The following CABIN1 variants were observed in gnomAD, a reference collection of about 807,000 sequenced individuals.
The protein encoded by CABIN1 is calcineurin binding protein 1, also known as calcineurin-binding protein cabin-1.
In CABIN1, 133 loss-of-function variants were observed where a neutral mutation model predicts 227.7. The observed-to-expected ratio is 0.58, with a 90% CI of 0.51 to 0.67. CABIN1 has a LOEUF of 0.67. Among genes scored for constraint, CABIN1 ranks in the 30% least tolerant of loss-of-function variants. The pLI, the probability that CABIN1 is intolerant of heterozygous loss-of-function variation, is 0.00. For synonymous variants in CABIN1, 1,086 were observed against 1,155.1 expected (o/e 0.94, Z 1.21); for missense variants, 2,408 against 2,852.5 (o/e 0.84, Z 3.55).
At chr22:24,168,558 G>T (rs375512881) in intron 33 of CABIN1, 37 bp downstream of exon 33, 16 of 1,482,836 alleles carry the variant, frequency 1.1e-5, no homozygotes, top group Non-Finnish European at 1.4e-5. Flanking sequence ...CTCATCTTGC[G>T]GAGCCTGCTC....
chr22:24,139,545 G>A (rs1273709021), intron 29 of CABIN1, among the ~76,000 whole-genome samples: 8 of 151,138 alleles, frequency 5.3e-5, no homozygotes, highest in African/African-American at 1.7e-4. Flanking sequence ...CAGCCTGGGC[G>A]ACAGAGCAAG....
chr22:24,061,234 T>G (rs767256098), intron 12 of CABIN1, among the ~76,000 whole-genome samples: 3 of 152,248 alleles, frequency 2.0e-5, no homozygotes, highest in African/African-American at 4.8e-5. Context: ...TGGTGCCTCC[T>G]GGAGCTCAAG....
chr22:24,071,057 C>A lies in CABIN1; in HGVS notation c.2475+15C>A, dbSNP rs1183049977. On this transcript the variant is annotated intron_variant, in intron 17 of 36. Transcript: ENST00000263119. Reference sequence around the variant, plus strand: ...ACCTCATCCAGGTAACCCCTGGCTCCTTCTCACCCTGCCCTGCCCCAGCAG... The same window carrying A: ...ACCTCATCCAGGTAACCCCTGGCTCATTCTCACCCTGCCCTGCCCCAGCAG... The A allele has an allele frequency of 1.2e-6, 2 of 1,614,226 alleles. No individual in the cohort carries two copies. The highest frequency in any genetic ancestry group is 1.7e-6 in the Non-Finnish European group (2 of 1,180,030).
At chr22:24,073,731 T>C (rs912007280) in intron 18 of CABIN1, among the ~76,000 whole-genome samples, 9 of 152,122 alleles carry the variant, frequency 5.9e-5, no homozygotes, top group South Asian at 2.1e-4. Context: ...GAGGAAGACA[T>C]TGGGGAGGTG....
rs557697459 is a variant in CABIN1, at chr22:24,085,219, T to C, written c.3263+68T>C. Reference sequence around the variant, plus strand: ...CTGGGGTGACTCCAGCTCAGCAAGCTCTTCAGTGGGCCACTTTGGGGTTTC... The same window carrying C: ...CTGGGGTGACTCCAGCTCAGCAAGCCCTTCAGTGGGCCACTTTGGGGTTTC... On this transcript the variant is annotated intron_variant, in intron 22 of 36. Transcript: ENST00000263119. 1,386 of 1,558,544 alleles carry C rather than the reference T, an allele frequency of 8.9e-4. 3 individuals carry two copies. The highest frequency in any genetic ancestry group is 1.2e-3 in the Non-Finnish European group (1,336 of 1,132,578).
chr22:24,114,660 T>C (rs1486549703), intron 27 of CABIN1, among the ~76,000 whole-genome samples: 1 of 152,160 alleles, frequency 6.6e-6, no homozygotes, highest in Non-Finnish European at 1.5e-5. Flanking sequence ...ACGCTGGTGA[T>C]AAACTGCCTC....
At chr22:24,152,659 A>G (rs2148494602) in intron 29 of CABIN1, among the ~76,000 whole-genome samples, 1 of 152,328 alleles carries the variant, frequency 6.6e-6, no homozygotes. Flanking sequence ...ACGGCAAGAA[A>G]GGAGCCAGGG....
At position 24,013,341 on chromosome 22, in the gene CABIN1, C is replaced by T. The variant is rs190649764; in HGVS notation, c.-75+1974C>T. Among the ~76,000 whole-genome samples, 80 of 151,806 alleles carry T rather than the reference C, an allele frequency of 5.3e-4. 1 individual carries two copies. In the East Asian group the frequency reaches 0.013, roughly 25 times the overall value. ...CCTCCCTAGTAGCTGGGACTACAGG[C>T]GCCTCTCACCATACCCTGCTAGTTT... On this transcript the variant is annotated intron_variant, in intron 1 of 36. Coordinates refer to ENST00000263119, the MANE Select transcript of CABIN1 (RefSeq NM_012295.4).
At position 24,165,642 on chromosome 22, in the gene CABIN1, C is replaced by T; in HGVS notation, c.5007+16C>T. Reference sequence around the variant, plus strand: ...GCTCGCAGAGGTATGCCACCTGTGTCCTCCTCTCCTCCACGGCCCATGAAC... The same window carrying T: ...GCTCGCAGAGGTATGCCACCTGTGTTCTCCTCTCCTCCACGGCCCATGAAC... On this transcript the variant is annotated intron_variant, in intron 31 of 36. Coordinates refer to ENST00000263119, the MANE Select transcript of CABIN1 (RefSeq NM_012295.4). 6.2e-7 allele frequency: 1 copy of T among 1,601,304 alleles called. No homozygotes were observed. Among genetic ancestry groups the T allele is most frequent in the Non-Finnish European group, 8.5e-7 (1 of 1,171,580 alleles).
chr22:24,031,739 C>G (rs1379694489), intron 1 of CABIN1, among the ~76,000 whole-genome samples: 1 of 152,262 alleles, frequency 6.6e-6, no homozygotes, highest in East Asian at 1.9e-4. Context: ...TCTCCCACTT[C>G]TTCTAATCTC....
In CABIN1 at chr22:24,135,970, A is replaced by T. The variant is rs372913936; in HGVS notation, c.4746+1555A>T. On this transcript the variant is annotated intron_variant, in intron 29 of 36. Transcript: ENST00000263119. ...GATCCTGAAAGCCCTGCATCTGCCC[A>T]CCCTCTCTGTTTTGGTATTTTATAG... 1.3e-4 allele frequency among the ~76,000 whole-genome samples: 19 copies of T among 151,754 alleles called. No homozygotes were observed. In the East Asian group the frequency reaches 1.9e-3, roughly 16 times the overall value.
chr22:24,177,370 C>G lies in CABIN1; in HGVS notation c.6206-134C>G. ...CCAAGTATTTGCCCAGGGTAGAAGC[C>G]TTGGAGCCTGCCAGCCAGCACAAAC... On this transcript the variant is annotated intron_variant, in intron 35 of 36. Transcript: ENST00000263119. This position sits in a 1 kb window ranked among gnomAD's most constrained non-coding sequence, Gnocchi z 4.4. The G allele has an allele frequency of 1.2e-6, 1 of 806,790 alleles. No homozygotes were observed. Among genetic ancestry groups the G allele is most frequent in the South Asian group, 1.9e-5 (1 of 52,370 alleles). The allele number at this position is 806,790 out of a possible 1,614,324, so 50.0% of individuals were successfully genotyped here. A position where few individuals can be genotyped will look rare whatever the true frequency, so the allele number is the denominator to read the frequency against.
intron 18 of CABIN1, among the ~76,000 whole-genome samples, chr22:24,073,923 C>T (rs1360641259): frequency 1.3e-5 from 2 of 152,186 alleles, no homozygotes; most frequent in Admixed American, 1.3e-4. Flanking sequence ...ATTGAACCAT[C>T]CCCGCTGCTG....
chr22:24,085,564 G>A (rs2041099078), intron 22 of CABIN1, among the ~76,000 whole-genome samples: 1 of 152,180 alleles, frequency 6.6e-6, no homozygotes, highest in Admixed American at 6.5e-5. Flanking sequence ...TTGGGGACAA[G>A]TAATAGAAAA....
chr22:24,025,656 G>C (rs1386545541), intron 1 of CABIN1, among the ~76,000 whole-genome samples: 1 of 152,128 alleles, frequency 6.6e-6, no homozygotes, highest in Non-Finnish European at 1.5e-5. Context: ...GTTCAGTCAG[G>C]TTGCAAAGTT....
chr22:24,054,754 T>C, intron 8 of CABIN1, 119 bp from the exon 9 acceptor site: 1 of 1,245,754 alleles, frequency 8.0e-7, no homozygotes, highest in Non-Finnish European at 1.2e-6. Flanking sequence ...CCCACCCCCA[T>C]GGACATGGCA....
In CABIN1 at chr22:24,176,268, C is replaced by G; in HGVS notation, c.6198C>G (p.Cys2066Trp). Residue 2066 changes from cysteine (C) to tryptophan (W), a missense_variant, in exon 35 of 37, where the codon TGC (cysteine) becomes TGG (tryptophan). Around this residue, in one of 3 missense-constraint regions of CABIN1, gnomAD observed 714 missense variants for 773.8 expected, o/e 0.92. Transcript: ENST00000263119. Reference protein sequence around the residue: ...AALGTGAEPTCSQEGKLRPEP... With the variant: ...AALGTGAEPTWSQEGKLRPEP... ...TGGGCACAGGCGCTGAGCCCACCTGCAGCCAGGGTAAGGCGAGTTGGGAGC... is the reference window on the plus strand; with the variant it reads ...TGGGCACAGGCGCTGAGCCCACCTGGAGCCAGGGTAAGGCGAGTTGGGAGC... 6.2e-7 allele frequency: 1 copy of G among 1,601,136 alleles called. No homozygotes were observed. Among genetic ancestry groups the G allele is most frequent in the Non-Finnish European group, 8.5e-7 (1 of 1,175,708 alleles).
At chr22:24,167,827 A>G (rs768000249) in intron 32 of CABIN1, among the ~76,000 whole-genome samples, 2 of 152,132 alleles carry the variant, frequency 1.3e-5, no homozygotes, top group Non-Finnish European at 2.9e-5. Flanking sequence ...TCAGTTTGCA[A>G]TGCATCCTAC....
chr22:24,111,755 T>C (rs555379278), intron 26 of CABIN1, among the ~76,000 whole-genome samples: 51 of 152,246 alleles, frequency 3.3e-4, no homozygotes, highest in Non-Finnish European at 6.6e-4. Flanking sequence ...TTTTGCATCA[T>C]TGTAAAGTCA....
Sources: gnomAD v4.1 joint callset for allele counts (sites outside exome capture counted in the v4.1 genomes callset) on GRCh38, gnomAD v4.1.1 for gene constraint, gnomAD v4.1.1 regional missense constraint, Gnocchi (gnomAD v3.1) non-coding constraint, MANE v1.5 for transcripts, NCBI Gene and HGNC (gene_info 2026-07-23, HGNC 2026-07-21) for gene names.